Variants in PRDM10 observed in about 807,000 individuals in gnomAD.
PRDM10 encodes PR/SET domain 10.
Under a neutral mutation model 133.1 loss-of-function variants are expected in PRDM10, and 65 were observed. That is an observed-to-expected ratio of 0.49 (90% confidence interval 0.40 to 0.60). The LOEUF (loss-of-function observed/expected upper bound fraction) is 0.60, where lower values mean the gene tolerates loss of function less well. PRDM10 is among the 20% of genes least tolerant of loss of function. PRDM10 has a pLI of 0.00. For missense variants in PRDM10, 1,137 were observed against 1,507.1 expected, an observed-to-expected ratio of 0.75 and a Z score of 4.07; for synonymous variants, 582 against 580.4, an observed-to-expected ratio of 1.00 and a Z score of -0.04.
At chr11:129,920,422 C>T (rs1950490011) in intron 13 of PRDM10, among the ~76,000 whole-genome samples, 1 of 152,210 alleles carries the variant, frequency 6.6e-6, no homozygotes, top group Non-Finnish European at 1.5e-5. Flanking sequence ...ACCCTTCCCC[C>T]TTCCACCCAA....
intron 1 of PRDM10, among the ~76,000 whole-genome samples, chr11:129,977,073 TC>T (rs1354492133): frequency 1.3e-5 from 2 of 151,958 alleles, no homozygotes; most frequent in Admixed American, 6.6e-5. Flanking sequence ...AAGGTGGCCT[TC>T]TTCTCTACAC....
chr11:129,937,467 G>A (rs1208581839), intron 8 of PRDM10, 131 bp downstream of exon 8: 8 of 640,052 alleles, frequency 1.2e-5, no homozygotes, highest in South Asian at 9.5e-5. Flanking sequence ...GGAGATGTGT[G>A]TCTCTAAAAA....
At position 129,926,892 on chromosome 11, in the gene PRDM10, T is replaced by A. The variant is rs1010325502; in HGVS notation, c.1531-1663A>T. 2.0e-5 allele frequency among the ~76,000 whole-genome samples: 3 copies of A among 152,344 alleles called. No homozygotes were observed. The South Asian group carries it at 6.2e-4, about 32-fold the overall frequency. Reference sequence around the variant, plus strand: ...TGATTTCAAGGATTTTTCTACAGCATCTGCAGAGATTTTTAAGAATAGGTC... The same window carrying A: ...TGATTTCAAGGATTTTTCTACAGCAACTGCAGAGATTTTTAAGAATAGGTC... On this transcript the variant is annotated intron_variant, in intron 11 of 20. Transcript: ENST00000360871.
intron 2 of PRDM10, 141 bp from the exon 3 acceptor site, chr11:129,958,051 G>A (rs1951729726): frequency 1.0e-6 from 1 of 959,100 alleles, no homozygotes; most frequent in Non-Finnish European, 1.5e-6. Context: ...TGGTGACTAG[G>A]GGAGGATGCA....
intron 2 of PRDM10, among the ~76,000 whole-genome samples, chr11:129,960,400 G>A: frequency 6.6e-6 from 1 of 152,138 alleles, no homozygotes; most frequent in Non-Finnish European, 1.5e-5. Flanking sequence ...AAAGGCAAAG[G>A]TCATCGATGA....
At chr11:129,938,734 G>C (rs1480286135) in intron 7 of PRDM10, among the ~76,000 whole-genome samples, 1 of 152,108 alleles carries the variant, frequency 6.6e-6, no homozygotes, top group Non-Finnish European at 1.5e-5. Context: ...TCAATAAAAA[G>C]AACACACAAT....
intron 1 of PRDM10, among the ~76,000 whole-genome samples, chr11:129,998,764 C>G (rs1052440440): frequency 2.7e-4 from 40 of 149,902 alleles, no homozygotes; most frequent in African/African-American, 9.6e-4. Flanking sequence ...GGAAGGTGGA[C>G]AGAAATGGCC....
At chr11:129,951,434 C>T (rs1025138652) in intron 4 of PRDM10, among the ~76,000 whole-genome samples, 2 of 152,100 alleles carry the variant, frequency 1.3e-5, no homozygotes, top group Admixed American at 6.6e-5. Flanking sequence ...CATAGCCAGG[C>T]GGTAGGTTGG....
At chr11:129,939,686 G>C (rs559818547) in intron 7 of PRDM10, among the ~76,000 whole-genome samples, 79 of 152,160 alleles carry the variant, frequency 5.2e-4, no homozygotes, top group Non-Finnish European at 5.6e-4. Context: ...GCAAATGAAG[G>C]CCAAAAAGAT....
intron 4 of PRDM10, among the ~76,000 whole-genome samples, chr11:129,949,310 C>T (rs1951516696): frequency 6.6e-6 from 1 of 152,184 alleles, no homozygotes; most frequent in Non-Finnish European, 1.5e-5. Flanking sequence ...CACAGTAATA[C>T]ATGCCTCAGG....
At chr11:129,964,728 A>T (rs1350863149) in intron 1 of PRDM10, among the ~76,000 whole-genome samples, 2 of 152,248 alleles carry the variant, frequency 1.3e-5, no homozygotes, top group Non-Finnish European at 2.9e-5. Flanking sequence ...TGACACTATG[A>T]TGAGAACTTT....
chr11:129,933,913 A>G (rs755603629), intron 9 of PRDM10, among the ~76,000 whole-genome samples: 1 of 152,030 alleles, frequency 6.6e-6, no homozygotes, highest in African/African-American at 2.4e-5. Flanking sequence ...CTGGCTCTGT[A>G]GTTTACTCCC....
At chr11:129,965,973 G>T (rs1362354525) in intron 1 of PRDM10, among the ~76,000 whole-genome samples, 1 of 152,176 alleles carries the variant, frequency 6.6e-6, no homozygotes, top group African/African-American at 2.4e-5. Context: ...GCCGGGCACA[G>T]TGGCTCATAC....
rs770673259 is a variant in PRDM10, at chr11:129,937,654, G to A, written c.983C>T (p.Ser328Phe). The change falls in exon 8 of 21, where the codon TCC becomes TTC. Residue 328 changes from serine to phenylalanine, a missense_variant. Ser to Phe is a radical substitution (Grantham distance 155, BLOSUM62 -2). Coordinates refer to ENST00000360871, the MANE Select transcript of PRDM10 (RefSeq NM_199437.2). ...KQELKVWYAA[S>F]YAEFVNQKIH... ...TTTCTGGTTCACGAACTCAGCATAGGATGCGGCATACCACACCTGCAAGAA... is the reference window on the plus strand; with the variant it reads ...TTTCTGGTTCACGAACTCAGCATAGAATGCGGCATACCACACCTGCAAGAA... The A allele has an allele frequency of 1.5e-5, 24 of 1,613,342 alleles. No homozygotes were observed. The highest frequency in any genetic ancestry group is 2.5e-6 in the Non-Finnish European group (3 of 1,179,902).
intron 1 of PRDM10, among the ~76,000 whole-genome samples, chr11:130,002,197 G>T (rs572093860): frequency 9.6e-4 from 141 of 147,586 alleles, no homozygotes; most frequent in African/African-American, 3.3e-3. Context: ...CCTGCCCGCC[G>T]CGCCCGGAGC....
chr11:129,987,277 C>G (rs1176928303), intron 1 of PRDM10, among the ~76,000 whole-genome samples: 1 of 152,156 alleles, frequency 6.6e-6, no homozygotes, highest in Non-Finnish European at 1.5e-5. Flanking sequence ...ACAAACCACA[C>G]AAAACTGCCT....
At chr11:129,994,412 G>T (rs1938926236) in intron 1 of PRDM10, among the ~76,000 whole-genome samples, 1 of 148,560 alleles carries the variant, frequency 6.7e-6, no homozygotes, top group African/African-American at 2.5e-5. Context: ...GTTGCAGTGA[G>T]CCGAGATCGC....
In PRDM10 at chr11:129,935,235, G is replaced by T. The variant is rs772876601; in HGVS notation, c.1040-17C>A. On this transcript the variant is annotated splice_polypyrimidine_tract_variant and intron_variant, in intron 8 of 20. Coordinates refer to ENST00000360871, the MANE Select transcript of PRDM10 (RefSeq NM_199437.2). The stretch of plus-strand genomic sequence containing the variant: ...CTCGAAGAACTACAGTCACAGGAGA[G>T]AAATCATAAAGGCTGATGACCAATA... 4.9e-5 allele frequency: 78 copies of T among 1,594,406 alleles called. No individual in the cohort carries two copies. Among genetic ancestry groups the T allele is most frequent in the Non-Finnish European group, 6.1e-5 (71 of 1,162,288 alleles).
At chr11:130,001,503 A>G (rs1041917539) in intron 1 of PRDM10, among the ~76,000 whole-genome samples, 1 of 152,182 alleles carries the variant, frequency 6.6e-6, no homozygotes, top group Admixed American at 6.5e-5. Context: ...GGCACAGGGC[A>G]GAGCTGGGTG....
Sources: allele counts gnomAD v4.1 joint callset (sites outside exome capture counted in the v4.1 genomes callset), GRCh38; gene constraint gnomAD v4.1.1; transcripts MANE v1.5; gene names NCBI Gene and HGNC (gene_info 2026-07-23, HGNC 2026-07-21).